FHIP2B: variants seen among roughly 807,000 people sequenced by gnomAD.
FHIP2B encodes the protein FHF complex subunit HOOK interacting protein 2B.
A neutral mutation model predicts 84.0 loss-of-function variants in FHIP2B; 72 were observed. That is an observed-to-expected ratio of 0.86 (90% CI 0.71 to 1.04). The LOEUF is 1.04. FHIP2B is among the 50% of genes least tolerant of loss of function. FHIP2B has a pLI of 0.00. For missense variants in FHIP2B, 972 were observed against 968.9 expected (o/e 1.00, Z -0.04); for synonymous variants, 497 against 418.7 (o/e 1.19, Z -2.28).
chr8:22,092,567 T>TC, intron 1 of FHIP2B, among the ~76,000 whole-genome samples: 1 of 150,050 alleles, frequency 6.7e-6, no homozygotes. Context: ...GTGAGACTCT[T>TC]TTTTTTTTTT....
Position 22,102,574 on chromosome 8 carries a change from C to A in FHIP2B, c.2039C>A (p.Pro680Gln). The stretch of plus-strand genomic sequence containing the variant: ...AGAATCCAGAGGGTACCCCAGTTCC[C>A]AGGCAAGCTGCTCCTGGTGCGCAAG... ...MQRIQRVPQF[P>Q]GKLLLVRKQL... Residue 680 changes from proline to glutamine, a missense_variant, in exon 16 of 17, where the codon CCA (proline) becomes CAA (glutamine). Transcript: ENST00000289921. 6.4e-7 allele frequency: 1 copy of A among 1,564,488 alleles called. No individual in the cohort carries two copies. The highest frequency in any genetic ancestry group is 2.4e-5 in the East Asian group (1 of 41,922).
Position 22,094,496 on chromosome 8 carries a change from G to GCACTC in FHIP2B, c.106_107insCCACT (p.Tyr36SerfsTer23). 6.2e-7 allele frequency: 1 copy of GCACTC among 1,611,446 alleles called. No homozygotes were observed. The highest frequency in any genetic ancestry group is 1.1e-5 in the South Asian group (1 of 91,010). On this transcript the variant is annotated frameshift_variant, in exon 2 of 17. Coordinates refer to ENST00000289921, the MANE Select transcript of FHIP2B (RefSeq NM_022749.7). LOFTEE classifies it high-confidence loss of function. ...TCGTGGAGCACTGGAAGGGCATCAC[G>GCACTC]CACTACTACATCGAGAGCACAGGTG...
At position 22,092,497 on chromosome 8, in the gene FHIP2B, C is replaced by G. The variant is rs531104571; in HGVS notation, c.46-1943C>G. 2.0e-5 allele frequency among the ~76,000 whole-genome samples: 3 copies of G among 151,376 alleles called. No homozygotes were observed. The South Asian group carries it at 6.3e-4, about 32-fold the overall frequency. On this transcript the variant is annotated intron_variant, in intron 1 of 16. Coordinates refer to ENST00000289921, the MANE Select transcript of FHIP2B (RefSeq NM_022749.7). ...TGGGAGGCAGGAGAATCACTTGAAC[C>G]CAGGAAGCGGAGGTTACAGTGAGCT...
intron 1 of FHIP2B, among the ~76,000 whole-genome samples, chr8:22,092,907 G>C (rs1052517992): frequency 6.6e-6 from 1 of 152,138 alleles, no homozygotes; most frequent in Non-Finnish European, 1.5e-5. Flanking sequence ...TTGTAGCTTC[G>C]TTATTCAATG....
At chr8:22,094,578 C>T in intron 2 of FHIP2B, 60 bp downstream of exon 2, 1 of 1,600,954 alleles carries the variant, frequency 6.2e-7, no homozygotes, top group Non-Finnish European at 8.5e-7. Context: ...AAGGAGTGTG[C>T]AGAGTGTCAC....
intron 5 of FHIP2B, 37 bp from the exon 6 acceptor site, chr8:22,098,031 C>T: frequency 6.4e-7 from 1 of 1,552,434 alleles, no homozygotes; most frequent in Non-Finnish European, 8.7e-7. Flanking sequence ...GGGAAGTGGT[C>T]CCCACCAGGT....
In FHIP2B at chr8:22,097,591, C is replaced by A. The variant is rs1454420966; in HGVS notation, c.373C>A (p.His125Asn). 2.5e-6 allele frequency: 4 copies of A among 1,609,082 alleles called. No individual in the cohort carries two copies. Among genetic ancestry groups the A allele is most frequent in the Non-Finnish European group, 3.4e-6 (4 of 1,178,120 alleles). Residue 125 changes from histidine (H) to asparagine (N), a missense_variant, in exon 4 of 17, where the codon CAT becomes AAT. His to Asn is a moderately conservative substitution (Grantham distance 68). Coordinates refer to ENST00000289921, the MANE Select transcript of FHIP2B (RefSeq NM_022749.7). The stretch of plus-strand genomic sequence containing the variant: ...GGCGCAGGTGCAGCACCCCCTGCTG[C>A]ATTACCTCAGCGTCCACAGGCCTGT... ...VLAQVQHPLLHYLSVHRPVQK... is the reference protein window; with the variant it reads ...VLAQVQHPLLNYLSVHRPVQK...
At chr8:22,089,414 C>A in intron 1 of FHIP2B, 116 bp downstream of exon 1, 1 of 507,288 alleles carries the variant, frequency 2.0e-6, no homozygotes, top group Non-Finnish European at 2.5e-6. Context: ...CCCCCTCGGG[C>A]AGGGACCCCC....
intron 2 of FHIP2B, chr8:22,095,869 A>C (rs1825738529): frequency 6.5e-6 from 1 of 153,012 alleles, no homozygotes; most frequent in Non-Finnish European, 1.5e-5. Flanking sequence ...CTGCTTTGTG[A>C]AAAACAGAGG....
rs758579261 is a variant in FHIP2B at position 22,099,735 on chromosome 8, C to T, written c.1183C>T (p.Leu395Phe). The T allele has an allele frequency of 3.8e-6, 6 of 1,598,192 alleles. No homozygotes were observed. In the African/African-American group the frequency reaches 5.4e-5, roughly 14 times the overall value. The change falls in exon 10 of 17, where the codon CTC becomes TTC. Residue 395 changes from leucine to phenylalanine, a missense_variant. Coordinates refer to ENST00000289921, the MANE Select transcript of FHIP2B (RefSeq NM_022749.7). ...SEQSILTSTA[L>F]LTAMLRQLRS... is the part of the protein sequence containing the mutation. Reference sequence around the variant, plus strand: ...GCAGAGCATCTTGACCTCCACCGCCCTCCTCACAGCCATGCTGCGCCAGCT... The same window carrying T: ...GCAGAGCATCTTGACCTCCACCGCCTTCCTCACAGCCATGCTGCGCCAGCT...
In FHIP2B at chr8:22,097,854, C is replaced by T. The variant is rs377355852; in HGVS notation, c.525+15C>T. ...ACATCCTGGAAGTGAGCACTCTGAT[C>T]GGGAACAGGAGGGGGAGGGCCCAGA... On this transcript the variant is annotated intron_variant, in intron 5 of 16. Transcript: ENST00000289921. The T allele has an allele frequency of 1.3e-4, 210 of 1,610,592 alleles. 1 individual carries two copies. In the African/African-American group the frequency reaches 1.9e-3, roughly 15 times the overall value.
Position 22,101,827 on chromosome 8 carries a change from C to T in FHIP2B, c.1827C>T (p.Asp609=), listed in dbSNP as rs779424886. ...FEGHFLRVLF[D]RMSRILDQPY... is the part of the protein sequence containing the mutation. Reference sequence around the variant, plus strand: ...GCCACTTCCTCCGAGTGCTGTTTGACCGCATGTCCCGGATTCTGGATCAGG... The same window carrying T: ...GCCACTTCCTCCGAGTGCTGTTTGATCGCATGTCCCGGATTCTGGATCAGG... The change falls in exon 14 of 17, where the codon GAC becomes GAT. Residue 609 remains aspartate, a synonymous_variant. Coordinates refer to ENST00000289921, the MANE Select transcript of FHIP2B (RefSeq NM_022749.7). The T allele has an allele frequency of 2.5e-6, 4 of 1,613,486 alleles. No individual in the cohort carries two copies. In the African/African-American group the frequency reaches 4.0e-5, roughly 16 times the overall value.
chr8:22,101,153 C>T (rs374105407), intron 12 of FHIP2B, 181 bp downstream of exon 12: 3 of 757,532 alleles, frequency 4.0e-6, no homozygotes, highest in Non-Finnish European at 4.2e-6. Flanking sequence ...CTCCCGAGTA[C>T]CTGGGATTAC....
At chr8:22,097,946 C>T (rs934404262) in intron 5 of FHIP2B, 107 bp downstream of exon 5, 59 of 1,546,846 alleles carry the variant, frequency 3.8e-5, no homozygotes, top group Middle Eastern at 2.1e-4. Flanking sequence ...CCGGGAGGCA[C>T]GCAGGCAGCT....
At chr8:22,102,740 T>C in intron 16 of FHIP2B, 53 bp from the exon 17 acceptor site, 1 of 1,606,674 alleles carries the variant, frequency 6.2e-7, no homozygotes. Context: ...GCTGTCATGC[T>C]GGGCACAGTC....
intron 1 of FHIP2B, among the ~76,000 whole-genome samples, chr8:22,092,854 A>C (rs1825566801): frequency 6.6e-6 from 1 of 152,126 alleles, no homozygotes; most frequent in Non-Finnish European, 1.5e-5. Context: ...TTTTTCTGAG[A>C]GGTCACTACT....
chr8:22,089,780 G>A, intron 1 of FHIP2B: 2 of 1,286,186 alleles, frequency 1.6e-6, no homozygotes, highest in Non-Finnish European at 2.0e-6. Context: ...GGACCTTGTT[G>A]GGGTGCAGGA....
In FHIP2B at chr8:22,102,075, C is replaced by T. The variant is rs948204302; in HGVS notation, c.1852-100C>T. 6 of 1,596,786 alleles carry T rather than the reference C, an allele frequency of 3.8e-6. No individual in the cohort carries two copies. The African/African-American group carries it at 8.0e-5, about 21-fold the overall frequency. On this transcript the variant is annotated intron_variant, in intron 14 of 16. Coordinates refer to ENST00000289921, the MANE Select transcript of FHIP2B (RefSeq NM_022749.7). ...ACACACACATCACGTGAGCCTCCCA[C>T]CCCCACACACGTTCACAGTGGCCAG... is the stretch of plus-strand genomic sequence containing the variant.
rs749442004 is a variant in FHIP2B, at chr8:22,098,194, G to C, written c.652G>C (p.Glu218Gln). Reference protein sequence around the residue: ...GAPARPQLDGESCGAQALNSH... With the variant: ...GAPARPQLDGQSCGAQALNSH... ...TCCTGCCAGGCCCCAGCTGGACGGGGAGTCCTGTGGGGCCCAGGCCTTGAA... is the reference window on the plus strand; with the variant it reads ...TCCTGCCAGGCCCCAGCTGGACGGGCAGTCCTGTGGGGCCCAGGCCTTGAA... The change falls in exon 6 of 17, where the codon GAG becomes CAG. Residue 218 changes from glutamate to glutamine, a missense_variant. Physicochemically the swap from Glu to Gln is conservative, Grantham distance 29. Coordinates refer to ENST00000289921, the MANE Select transcript of FHIP2B (RefSeq NM_022749.7). The C allele has an allele frequency of 6.3e-7, 1 of 1,578,766 alleles. No individual in the cohort carries two copies. Among genetic ancestry groups the C allele is most frequent in the African/African-American group, 1.3e-5 (1 of 74,118 alleles).
Sources: gnomAD v4.1 joint callset for allele counts (sites outside exome capture counted in the v4.1 genomes callset) on GRCh38, gnomAD v4.1.1 for gene constraint, MANE v1.5 for transcripts, NCBI Gene and HGNC (gene_info 2026-07-23, HGNC 2026-07-21) for gene names.